Variants in LRPPRC observed in about 807,000 individuals in gnomAD.
LRPPRC encodes the protein leucine rich pentatricopeptide repeat containing.
In LRPPRC, 120 loss-of-function variants were observed where a neutral mutation model predicts 180.3. The observed-to-expected ratio is 0.67, with a 90% CI of 0.57 to 0.77. LRPPRC has a LOEUF of 0.77. Among genes scored for constraint, LRPPRC ranks in the 30% least tolerant of loss-of-function variants. The pLI, the probability that LRPPRC is intolerant of heterozygous loss-of-function variation, is 0.00. For synonymous variants in LRPPRC, 723 were observed against 600.0 expected, an observed-to-expected ratio of 1.21 and a Z score of -3.00; for missense variants, 2,012 against 1,657.2, an observed-to-expected ratio of 1.21 and a Z score of -3.72.
At chr2:43,915,262 A>T (rs1671424212) in intron 29 of LRPPRC, among the ~76,000 whole-genome samples, 2 of 146,442 alleles carry the variant, frequency 1.4e-5, no homozygotes, top group Admixed American at 1.3e-4. Flanking sequence ...ACACACACAC[A>T]CACACACACA....
chr2:43,974,169 T>C lies in LRPPRC; in HGVS notation c.1136A>G (p.His379Arg), dbSNP rs143327762. The change falls in exon 9 of 38, where the codon CAC (histidine) becomes CGC (arginine). Residue 379 changes from histidine (H) to arginine (R), a missense_variant. Physicochemically the swap from His to Arg is conservative, Grantham distance 29 (BLOSUM62 0). Coordinates refer to ENST00000260665, the MANE Select transcript of LRPPRC (RefSeq NM_133259.4). ...PSVFGSFFLQ[H>R]CVTMNTPVEK... Reference sequence around the variant, plus strand: ...GAATACCGTATTCATAGTCACACAGTGTTGTAAAAAGAAACTGCCAAAGAC... The same window carrying C: ...GAATACCGTATTCATAGTCACACAGCGTTGTAAAAAGAAACTGCCAAAGAC... 1.2e-6 allele frequency: 2 copies of C among 1,613,762 alleles called. No individual in the cohort carries two copies. Among genetic ancestry groups the C allele is most frequent in the Non-Finnish European group, 1.7e-6 (2 of 1,179,768 alleles).
intron 13 of LRPPRC, among the ~76,000 whole-genome samples, chr2:43,959,374 C>A (rs1475996449): frequency 1.3e-5 from 2 of 152,118 alleles, no homozygotes; most frequent in Non-Finnish European, 2.9e-5. Context: ...ATATTTTAAG[C>A]GACATGCACA....
chr2:43,907,924 C>A (rs1451375643), intron 30 of LRPPRC, among the ~76,000 whole-genome samples: 1 of 152,068 alleles, frequency 6.6e-6, no homozygotes, highest in Non-Finnish European at 1.5e-5. Context: ...TTAGGTAACA[C>A]TTTTAAGTAA....
In LRPPRC at chr2:43,973,778, C is replaced by CT. The variant is rs1285115349; in HGVS notation, c.1261+16dup. The CT allele has an allele frequency of 1.2e-6, 2 of 1,607,800 alleles. No homozygotes were observed. Among genetic ancestry groups the CT allele is most frequent in the East Asian group, 2.2e-5 (1 of 44,866 alleles). On this transcript the variant is annotated intron_variant, in intron 10 of 37. Coordinates refer to ENST00000260665, the MANE Select transcript of LRPPRC (RefSeq NM_133259.4). ...GCAAAACTTCCTTACTTGGCTTTAA[C>CT]TTTAAGAATGTAGTACCAGTTTTAT...
At chr2:43,983,578 C>T (rs958492416) in intron 1 of LRPPRC, among the ~76,000 whole-genome samples, 4 of 152,140 alleles carry the variant, frequency 2.6e-5, no homozygotes, top group Non-Finnish European at 2.9e-5. Flanking sequence ...TTCTAATTAT[C>T]AGTGGTTTAC....
chr2:43,990,244 C>G (rs778410432), intron 1 of LRPPRC, among the ~76,000 whole-genome samples: 5 of 151,948 alleles, frequency 3.3e-5, no homozygotes, highest in Admixed American at 6.6e-5. Context: ...TAATCAGCAT[C>G]TATTCTAAAG....
chr2:43,895,443 G>C (rs911163301), intron 35 of LRPPRC, among the ~76,000 whole-genome samples: 1 of 152,112 alleles, frequency 6.6e-6, no homozygotes, highest in Admixed American at 6.5e-5. Context: ...ACATATTGCC[G>C]TGCATTTCCC....
chr2:43,911,581 C>T lies in LRPPRC; in HGVS notation c.3275+851G>A, dbSNP rs924459262. ...TCGCTTTGTCACCCAGGCTGGAGTG[C>T]AGTTGCGCAATCTCAGCTCAACGCA... On this transcript the variant is annotated intron_variant, in intron 30 of 37. Coordinates refer to ENST00000260665, the MANE Select transcript of LRPPRC (RefSeq NM_133259.4). Among the ~76,000 whole-genome samples the T allele has an allele frequency of 5.3e-5, 7 of 132,096 alleles. No individual in the cohort carries two copies. In the South Asian group the frequency reaches 1.7e-3, roughly 31 times the overall value. The allele number at this position is 132,096 out of a possible 152,430, so 86.7% of individuals were successfully genotyped here.
At chr2:43,935,983 T>C (rs1335609440) in intron 23 of LRPPRC, among the ~76,000 whole-genome samples, 1 of 151,820 alleles carries the variant, frequency 6.6e-6, no homozygotes, top group Non-Finnish European at 1.5e-5. Context: ...CTCGGGGGGC[T>C]GAGGAGGGAG....
intron 19 of LRPPRC, 85 bp from the exon 20 acceptor site, chr2:43,947,455 T>G: frequency 1.4e-6 from 1 of 732,110 alleles, no homozygotes; most frequent in Non-Finnish European, 2.4e-6. Context: ...TAAACTGACT[T>G]TCCTTTCTAC....
chr2:43,925,166 TA>T lies in LRPPRC; in HGVS notation c.2806-10del. The T allele has an allele frequency of 7.3e-7, 1 of 1,367,424 alleles. No individual in the cohort carries two copies. The highest frequency in any genetic ancestry group is 1.0e-6 in the Non-Finnish European group (1 of 955,198). The allele number at this position is 1,367,424 out of a possible 1,614,324, so 84.7% of individuals were successfully genotyped here. ...TTTTCCAGAGTTTCAACCTTAAAAG[TA>T]AGATTAAGAGATAGATCTACCTTGT... On this transcript the variant is annotated splice_polypyrimidine_tract_variant and intron_variant, in intron 26 of 37. Transcript: ENST00000260665.
At chr2:43,985,574 C>T (rs1030754115) in intron 1 of LRPPRC, among the ~76,000 whole-genome samples, 3 of 152,294 alleles carry the variant, frequency 2.0e-5, no homozygotes, top group East Asian at 3.9e-4. Flanking sequence ...CATATAGTTG[C>T]ATCATACAGC....
chr2:43,908,935 C>T (rs904936671), intron 30 of LRPPRC, among the ~76,000 whole-genome samples: 7 of 152,156 alleles, frequency 4.6e-5, no homozygotes, highest in East Asian at 1.9e-4. Context: ...AATACTAGGG[C>T]GGTACCGCCA....
In LRPPRC at chr2:43,982,055, G is replaced by A. The variant is rs1217321628; in HGVS notation, c.346+183C>T. Among the ~76,000 whole-genome samples the A allele has an allele frequency of 3.3e-5, 5 of 152,056 alleles. No homozygotes were observed. In the South Asian group the frequency reaches 6.2e-4, roughly 19 times the overall value. ...CCCAAGTAGTTGGGACTACAGGCAC[G>A]CGCCACCATGCCTGGCTAATTTTTG... On this transcript the variant is annotated intron_variant, in intron 2 of 37. Coordinates refer to ENST00000260665, the MANE Select transcript of LRPPRC (RefSeq NM_133259.4).
intron 25 of LRPPRC, among the ~76,000 whole-genome samples, chr2:43,932,942 G>A (rs532910230): frequency 3.8e-4 from 58 of 152,198 alleles, no homozygotes; most frequent in African/African-American, 1.2e-3. Context: ...CTTCATTTCC[G>A]CTCTGATCAG....
chr2:43,990,190 G>C (rs1674712551), intron 1 of LRPPRC, among the ~76,000 whole-genome samples: 1 of 152,060 alleles, frequency 6.6e-6, no homozygotes, highest in South Asian at 2.1e-4. Context: ...TTACACTCCA[G>C]CCTGGGTGGC....
chr2:43,932,972 C>T (rs937182063), intron 25 of LRPPRC, among the ~76,000 whole-genome samples: 1 of 152,196 alleles, frequency 6.6e-6, no homozygotes, highest in Non-Finnish European at 1.5e-5. Context: ...AATACTGACA[C>T]TGTACCTACA....
chr2:43,959,344 CCCTTA>C (rs1673246242), intron 13 of LRPPRC: 1 of 610,556 alleles, frequency 1.6e-6, no homozygotes, highest in Non-Finnish European at 2.9e-6. Context: ...CTTTGCCTTT[CCCTTA>C]CAATATTACA....
intron 1 of LRPPRC, among the ~76,000 whole-genome samples, chr2:43,988,228 C>G (rs1349506737): frequency 8.6e-6 from 1 of 116,324 alleles, no homozygotes; most frequent in Non-Finnish European, 1.8e-5. Context: ...GAGACAGAGA[C>G]TCTGTCTCAA....
Sources: allele counts gnomAD v4.1 joint callset (sites outside exome capture counted in the v4.1 genomes callset), GRCh38; gene constraint gnomAD v4.1.1; transcripts MANE v1.5; gene names NCBI Gene and HGNC (gene_info 2026-07-23, HGNC 2026-07-21).